IL1RAPL2: variants seen among roughly 807,000 people sequenced by gnomAD.
The protein encoded by IL1RAPL2 is X-linked interleukin-1 receptor accessory protein-like 2.
In IL1RAPL2, 3 loss-of-function variants were observed where a neutral mutation model predicts 44.1. The ratio of observed to expected loss-of-function variants is 0.07; its 90% confidence interval spans 0.03 to 0.18. The LOEUF is 0.18. IL1RAPL2 is among the 10% of genes least tolerant of loss of function. The pLI is 1.00. For missense variants in IL1RAPL2, 391 were observed against 496.4 expected, an observed-to-expected ratio of 0.79 and a Z score of 2.02; for synonymous variants, 181 against 178.8, an observed-to-expected ratio of 1.01 and a Z score of -0.10.
chrX:104,677,959 G>T (rs937963479), intron 2 of IL1RAPL2, among the ~76,000 whole-genome samples: 2 of 112,223 alleles, frequency 1.8e-5, no homozygotes, highest in East Asian at 2.8e-4. Flanking sequence ...TTCGGCTCGC[G>T]CATGGTGCGC....
At chrX:104,746,204 A>G (rs1932172598) in intron 2 of IL1RAPL2, among the ~76,000 whole-genome samples, 1 of 111,603 alleles carries the variant, frequency 9.0e-6, no homozygotes, top group South Asian at 3.7e-4. Context: ...ACTTTTAGAG[A>G]TGGAGGAACT....
At chrX:105,426,542 T>G (rs1464966350) in intron 5 of IL1RAPL2, among the ~76,000 whole-genome samples, 2 of 111,416 alleles carry the variant, frequency 1.8e-5, no homozygotes, top group Admixed American at 1.9e-4. Context: ...TCATTTTACA[T>G]TGTTCCTTTC....
intron 1 of IL1RAPL2, among the ~76,000 whole-genome samples, chrX:104,611,487 C>G (rs1331169637): frequency 9.0e-6 from 1 of 110,841 alleles, no homozygotes; most frequent in Non-Finnish European, 1.9e-5. Flanking sequence ...GTGGTGGACG[C>G]CCCTCCCGTC....
At chrX:104,874,400 G>A (rs1287874536) in intron 2 of IL1RAPL2, among the ~76,000 whole-genome samples, 2 of 106,561 alleles carry the variant, frequency 1.9e-5, no homozygotes, top group Non-Finnish European at 3.9e-5. Context: ...AGGGAAATTT[G>A]ATATTCACTA....
chrX:105,104,309 C>T (rs1216188261), intron 2 of IL1RAPL2, among the ~76,000 whole-genome samples: 5 of 111,207 alleles, frequency 4.5e-5, no homozygotes, highest in African/African-American at 6.5e-5. Flanking sequence ...ACACTAGTGA[C>T]GAAGCTTTAT....
At chrX:105,295,933 G>A (rs907181856) in intron 5 of IL1RAPL2, among the ~76,000 whole-genome samples, 1 of 111,049 alleles carries the variant, frequency 9.0e-6, no homozygotes, top group Admixed American at 9.6e-5. Context: ...AAAGTGATCT[G>A]TTTACCTTCA....
At chrX:104,998,572 G>A (rs759124902) in intron 2 of IL1RAPL2, among the ~76,000 whole-genome samples, 3 of 110,336 alleles carry the variant, frequency 2.7e-5, no homozygotes, top group Non-Finnish European at 5.7e-5. Context: ...CCAGGACTTC[G>A]AGACCATCCT....
chrX:105,240,439 G>C (rs181027537), intron 4 of IL1RAPL2, among the ~76,000 whole-genome samples: 1 of 112,269 alleles, frequency 8.9e-6, no homozygotes, highest in African/African-American at 3.2e-5. Flanking sequence ...TTCTACTTGG[G>C]TTAGCAGTTA....
intron 9 of IL1RAPL2, among the ~76,000 whole-genome samples, chrX:105,749,427 T>C (rs766771158): frequency 1.8e-5 from 2 of 112,046 alleles, no homozygotes; most frequent in East Asian, 5.6e-4. Flanking sequence ...AAACAATTGC[T>C]GTCAAATCCC....
chrX:104,664,154 A>G (rs1930448088), intron 2 of IL1RAPL2, among the ~76,000 whole-genome samples: 1 of 111,185 alleles, frequency 9.0e-6, no homozygotes, highest in Admixed American at 9.6e-5. Context: ...TGTTAACAAG[A>G]TATTCCCTAG....
rs146835028 is a variant in IL1RAPL2, at chrX:104,663,900, C to T, written c.82+4905C>T. Reference sequence around the variant, plus strand: ...TTCTTATCATTGAATTTGATATGGCCAAAGGCATACTTGTTGAACTGTTAC... The same window carrying T: ...TTCTTATCATTGAATTTGATATGGCTAAAGGCATACTTGTTGAACTGTTAC... On this transcript the variant is annotated intron_variant, in intron 2 of 10. Transcript: ENST00000372582. 7.8e-4 allele frequency among the ~76,000 whole-genome samples: 85 copies of T among 109,337 alleles called. 1 individual carries two copies. The highest frequency in any genetic ancestry group is 2.1e-3 in the African/African-American group (64 of 30,082). 94.9% of individuals were successfully genotyped at this position (109,337 alleles called of 115,157 possible).
Position 104,940,633 on chromosome X carries a change from C to T in IL1RAPL2, c.83-254842C>T, listed in dbSNP as rs186686466. Among the ~76,000 whole-genome samples the T allele has an allele frequency of 1.3e-3, 140 of 110,248 alleles. 1 individual carries two copies. The highest frequency in any genetic ancestry group is 9.8e-3 in the Admixed American group (101 of 10,321). ...TTAATCTTGGTTTCCTTCTCTAGTTCGTATACTTTTCTTGGATCTCTGAAC... is the reference window on the plus strand; with the variant it reads ...TTAATCTTGGTTTCCTTCTCTAGTTTGTATACTTTTCTTGGATCTCTGAAC... On this transcript the variant is annotated intron_variant, in intron 2 of 10. Coordinates refer to ENST00000372582, the MANE Select transcript of IL1RAPL2 (RefSeq NM_017416.2).
At chrX:105,295,574 AT>A (rs1236953227) in intron 5 of IL1RAPL2, among the ~76,000 whole-genome samples, 2 of 111,710 alleles carry the variant, frequency 1.8e-5, no homozygotes, top group African/African-American at 6.5e-5. Context: ...CAGTGTTGAA[AT>A]TTGCAAATAG....
At chrX:104,837,908 G>A (rs1411036974) in intron 2 of IL1RAPL2, among the ~76,000 whole-genome samples, 1 of 111,982 alleles carries the variant, frequency 8.9e-6, no homozygotes, top group African/African-American at 3.2e-5. Context: ...TTTTGTATAA[G>A]GTGTAAGGAA....
chrX:104,808,823 A>C (rs1052722783), intron 2 of IL1RAPL2, among the ~76,000 whole-genome samples: 4 of 111,819 alleles, frequency 3.6e-5, no homozygotes, highest in Non-Finnish European at 7.5e-5. Flanking sequence ...TTAGATATTT[A>C]AGTAGAAATG....
intron 5 of IL1RAPL2, among the ~76,000 whole-genome samples, chrX:105,325,986 G>A (rs56819065): frequency 0.061 from 6,810 of 110,891 alleles, 498 homozygotes; most frequent in African/African-American, 0.21. Context: ...GTTTTTTACC[G>A]AATGTATGAT....
At chrX:105,418,441 G>A (rs940161372) in intron 5 of IL1RAPL2, among the ~76,000 whole-genome samples, 19 of 110,315 alleles carry the variant, frequency 1.7e-4, no homozygotes, top group African/African-American at 6.3e-4. Flanking sequence ...TGCCATAACC[G>A]TTGCCTGTTA....
intron 2 of IL1RAPL2, among the ~76,000 whole-genome samples, chrX:104,950,714 T>TG (rs1338083573): frequency 2.4e-5 from 2 of 84,699 alleles, no homozygotes; most frequent in African/African-American, 3.7e-5. Flanking sequence ...TTTTTGTTTT[T>TG]GTTTTTTTTT....
intron 6 of IL1RAPL2, among the ~76,000 whole-genome samples, chrX:105,488,547 A>G (rs745445998): frequency 8.9e-6 from 1 of 112,623 alleles, no homozygotes; most frequent in African/African-American, 3.2e-5. Context: ...GTCATTTGCC[A>G]TTAAGTTAGG....
Sources: allele counts gnomAD v4.1 joint callset (sites outside exome capture counted in the v4.1 genomes callset), GRCh38; gene constraint gnomAD v4.1.1; transcripts MANE v1.5; gene names NCBI Gene and HGNC (gene_info 2026-07-23, HGNC 2026-07-21).